Variants in ENTHD1 observed in about 807,000 individuals in gnomAD.
The protein encoded by ENTHD1 is ENTH domain containing 1, also known as ENTH domain-containing protein 1.
In ENTHD1, 23 loss-of-function variants were observed where a neutral mutation model predicts 39.1. That is an observed-to-expected ratio of 0.59 (90% CI 0.42 to 0.83). The LOEUF (loss-of-function observed/expected upper bound fraction) is 0.83. Ranked by LOEUF, ENTHD1 falls within the 40% of genes least tolerant of loss-of-function variation. The pLI, the probability that ENTHD1 is intolerant of heterozygous loss-of-function variation, is 0.00. For missense variants in ENTHD1, 624 were observed against 705.4 expected (o/e 0.88, Z 1.31); for synonymous variants, 230 against 258.2 (o/e 0.89, Z 1.05).
intron 5 of ENTHD1, among the ~76,000 whole-genome samples, chr22:39,767,548 G>A (rs2065286634): frequency 2.6e-5 from 4 of 152,106 alleles, no homozygotes. Context: ...ATTTCAAAGT[G>A]ACTTTGCATA....
At chr22:39,813,418 T>C (rs1254916152) in intron 5 of ENTHD1, among the ~76,000 whole-genome samples, 1 of 152,176 alleles carries the variant, frequency 6.6e-6, no homozygotes, top group Non-Finnish European at 1.5e-5. Flanking sequence ...AAAGATAATA[T>C]ATCACAGCCA....
rs2066195815 is a variant in ENTHD1, at chr22:39,867,608, T to C, written c.350-5601A>G. On this transcript the variant is annotated intron_variant, in intron 2 of 6. Transcript: ENST00000325157. This position sits in a 1 kb window ranked among gnomAD's most constrained non-coding sequence, Gnocchi z 4.5. ...TGGTGTCCTAAATTACTTACTTAGC[T>C]TTAGTCTCCCTTCCAATCTACCCTC... is the stretch of plus-strand genomic sequence containing the variant. Among the ~76,000 whole-genome samples the C allele has an allele frequency of 6.6e-6, 1 of 152,144 alleles. No homozygotes were observed. Among genetic ancestry groups the C allele is most frequent in the Admixed American group, 6.5e-5 (1 of 15,274 alleles).
At chr22:39,803,164 G>A (rs762186728) in intron 5 of ENTHD1, among the ~76,000 whole-genome samples, 3 of 152,016 alleles carry the variant, frequency 2.0e-5, no homozygotes, top group Non-Finnish European at 4.4e-5. Flanking sequence ...CATTGCCCCT[G>A]CCTGTCTTTC....
chr22:39,777,663 A>T (rs914883880), intron 5 of ENTHD1, among the ~76,000 whole-genome samples: 3 of 152,084 alleles, frequency 2.0e-5, no homozygotes, highest in South Asian at 2.1e-4. Context: ...GGTGCTTTTT[A>T]AAAAAATAAG....
At chr22:39,785,974 C>T (rs973508304) in intron 5 of ENTHD1, among the ~76,000 whole-genome samples, 12 of 152,162 alleles carry the variant, frequency 7.9e-5, no homozygotes, top group African/African-American at 2.9e-4. Flanking sequence ...TGGTAGATGA[C>T]CTTCTTTCCT....
intron 3 of ENTHD1, among the ~76,000 whole-genome samples, chr22:39,852,237 T>G (rs1271195576): frequency 6.6e-6 from 1 of 151,446 alleles, no homozygotes; most frequent in Non-Finnish European, 1.5e-5. Flanking sequence ...TCCCAGCTAC[T>G]TGGGAGGCTG....
chr22:39,881,634 T>A (rs1159456555), intron 2 of ENTHD1, among the ~76,000 whole-genome samples: 1 of 152,146 alleles, frequency 6.6e-6, no homozygotes, highest in Non-Finnish European at 1.5e-5. Context: ...GTCGTGAAAT[T>A]TACACTTTAG....
intron 5 of ENTHD1, among the ~76,000 whole-genome samples, chr22:39,814,867 A>C (rs1199408035): frequency 6.6e-6 from 1 of 152,228 alleles, no homozygotes; most frequent in African/African-American, 2.4e-5. Context: ...CACAAGATAC[A>C]TATGAAAAGT....
intron 2 of ENTHD1, among the ~76,000 whole-genome samples, chr22:39,863,059 G>C (rs2066156400): frequency 1.3e-5 from 2 of 152,146 alleles, no homozygotes; most frequent in Non-Finnish European, 2.9e-5. Flanking sequence ...GCCCTCACTA[G>C]ACAACTGAAC....
chr22:39,770,261 G>A (rs2146567394), intron 5 of ENTHD1, among the ~76,000 whole-genome samples: 1 of 152,242 alleles, frequency 6.6e-6, no homozygotes, highest in Middle Eastern at 3.4e-3. Context: ...GCCAACAAGA[G>A]GTGCTAGAGG....
intron 4 of ENTHD1, among the ~76,000 whole-genome samples, chr22:39,832,557 T>C (rs1022712854): frequency 1.3e-5 from 2 of 152,148 alleles, no homozygotes; most frequent in Non-Finnish European, 2.9e-5. Context: ...TTAAGAGCTA[T>C]ATGCTAAAAT....
At chr22:39,801,098 G>C (rs1320939811) in intron 5 of ENTHD1, among the ~76,000 whole-genome samples, 2 of 152,212 alleles carry the variant, frequency 1.3e-5, no homozygotes, top group Non-Finnish European at 2.9e-5. Flanking sequence ...TATCACAATT[G>C]AGTGATTATT....
At chr22:39,797,946 T>C (rs915517575) in intron 5 of ENTHD1, among the ~76,000 whole-genome samples, 6 of 152,284 alleles carry the variant, frequency 3.9e-5, no homozygotes, top group Admixed American at 1.3e-4. Flanking sequence ...TGTGAATTTC[T>C]AAGCATCCTG....
intron 3 of ENTHD1, among the ~76,000 whole-genome samples, chr22:39,843,253 A>T (rs1401907858): frequency 6.6e-6 from 1 of 152,104 alleles, no homozygotes; most frequent in Non-Finnish European, 1.5e-5. Context: ...AATGTGGCAC[A>T]TATACACCAT....
At chr22:39,777,169 C>T (rs1267977545) in intron 5 of ENTHD1, among the ~76,000 whole-genome samples, 2 of 152,062 alleles carry the variant, frequency 1.3e-5, no homozygotes, top group Non-Finnish European at 2.9e-5. Context: ...ATAATAAGAC[C>T]ATTTTGCTAA....
intron 3 of ENTHD1, among the ~76,000 whole-genome samples, chr22:39,838,022 T>C (rs1205638695): frequency 6.6e-6 from 1 of 152,220 alleles, no homozygotes; most frequent in Non-Finnish European, 1.5e-5. Context: ...TTCCAAAAAT[T>C]GAATGAACCA....
At chr22:39,778,539 GTAT>G (rs1325330016) in intron 5 of ENTHD1, among the ~76,000 whole-genome samples, 1 of 152,092 alleles carries the variant, frequency 6.6e-6, no homozygotes, top group Non-Finnish European at 1.5e-5. Context: ...TTCAGATAAA[GTAT>G]TATTTCTTGT....
At chr22:39,823,551 C>A (rs1447915865) in intron 4 of ENTHD1, among the ~76,000 whole-genome samples, 2 of 151,824 alleles carry the variant, frequency 1.3e-5, no homozygotes, top group Non-Finnish European at 2.9e-5. Flanking sequence ...GATGTTTAGC[C>A]ATGTTGCCCA....
intron 5 of ENTHD1, among the ~76,000 whole-genome samples, chr22:39,809,671 T>C (rs573120191): frequency 6.6e-6 from 1 of 152,282 alleles, no homozygotes; most frequent in East Asian, 1.9e-4. Flanking sequence ...TTAAAAAGCA[T>C]ACTTTGATGG....
Sources: gnomAD v4.1 joint callset for allele counts (sites outside exome capture counted in the v4.1 genomes callset) on GRCh38, gnomAD v4.1.1 for gene constraint, Gnocchi (gnomAD v3.1) non-coding constraint, MANE v1.5 for transcripts, NCBI Gene and HGNC (gene_info 2026-07-23, HGNC 2026-07-21) for gene names.